KIAA1958: variants seen among roughly 807,000 people sequenced by gnomAD.
KIAA1958 encodes uncharacterized protein KIAA1958.
In KIAA1958, 14 loss-of-function variants were observed where a neutral mutation model predicts 47.2. The ratio of observed to expected loss-of-function variants is 0.30; its 90% CI spans 0.20 to 0.46. The LOEUF (loss-of-function observed/expected upper bound fraction) is 0.46. Among genes scored for constraint, KIAA1958 ranks in the 20% least tolerant of loss-of-function variants. The pLI is 1.00. For missense variants in KIAA1958, 803 were observed against 909.2 expected, an observed-to-expected ratio of 0.88 and a Z score of 1.50; for synonymous variants, 354 against 353.3, an observed-to-expected ratio of 1.00 and a Z score of -0.02.
intron 1 of KIAA1958, among the ~76,000 whole-genome samples, chr9:112,528,494 C>G (rs533229155): frequency 6.6e-6 from 1 of 152,190 alleles, no homozygotes; most frequent in South Asian, 2.1e-4. Flanking sequence ...CACCTTCCTC[C>G]CTCACAATTG....
intron 2 of KIAA1958, among the ~76,000 whole-genome samples, chr9:112,615,963 A>G (rs924533006): frequency 1.3e-5 from 2 of 152,222 alleles, no homozygotes; most frequent in Admixed American, 1.3e-4. Flanking sequence ...GTTGTCTGTG[A>G]CTGTTTATTT....
intron 3 of KIAA1958, among the ~76,000 whole-genome samples, chr9:112,646,231 T>C (rs749063996): frequency 6.6e-6 from 1 of 152,208 alleles, no homozygotes; most frequent in Non-Finnish European, 1.5e-5. Context: ...CTTGGTATCA[T>C]GGACAATAAA....
intron 1 of KIAA1958, among the ~76,000 whole-genome samples, chr9:112,524,982 C>G (rs909373209): frequency 7.9e-5 from 12 of 152,152 alleles, no homozygotes; most frequent in African/African-American, 2.9e-4. Flanking sequence ...GCAGAATAGG[C>G]TCAGTGAGAT....
chr9:112,589,117 C>T (rs1314206775), intron 2 of KIAA1958, among the ~76,000 whole-genome samples: 1 of 152,138 alleles, frequency 6.6e-6, no homozygotes, highest in Non-Finnish European at 1.5e-5. Context: ...ATGCTTGTTC[C>T]TTTTGCAAGG....
chr9:112,487,946 CGTGTGTGTGTGTGT>C (rs57108785), intron 1 of KIAA1958, among the ~76,000 whole-genome samples: 1 of 145,842 alleles, frequency 6.9e-6, no homozygotes, highest in South Asian at 2.2e-4. Flanking sequence ...AGTGTGTGTG[CGTGTGTGTGTGTGT>C]GTGTGTGTGT....
chr9:112,505,254 C>T (rs1247276913), intron 1 of KIAA1958, among the ~76,000 whole-genome samples: 1 of 152,148 alleles, frequency 6.6e-6, no homozygotes, highest in African/African-American at 2.4e-5. Context: ...TAGGCTAGCA[C>T]CCTGGTTAAG....
intron 2 of KIAA1958, among the ~76,000 whole-genome samples, chr9:112,638,325 G>T (rs553126373): frequency 1.2e-4 from 18 of 151,936 alleles, no homozygotes; most frequent in African/African-American, 3.4e-4. Context: ...GCAACATAGT[G>T]AGACCCCTGT....
intron 1 of KIAA1958, among the ~76,000 whole-genome samples, chr9:112,536,314 G>A (rs148593827): frequency 6.6e-6 from 1 of 152,308 alleles, no homozygotes; most frequent in African/African-American, 2.4e-5. Flanking sequence ...GCCAAGAACA[G>A]TGAAGGCAAT....
In KIAA1958 at chr9:112,618,083, C is replaced by T. The variant is rs1836437770; in HGVS notation, c.1172-27567C>T. 6.4e-7 allele frequency: 1 copy of T among 1,550,432 alleles called. No homozygotes were observed. The highest frequency in any genetic ancestry group is 8.7e-7 in the Non-Finnish European group (1 of 1,147,008). The stretch of plus-strand genomic sequence containing the variant: ...GCAGAAGGATGGGTCCGAATACGAA[C>T]CCAACAGCTTGGCCAATTACCAGTG... On this transcript the variant is annotated intron_variant, in intron 2 of 3. Transcript: ENST00000337530. The surrounding 1 kb of genome is among the most constrained non-coding windows in gnomAD (Gnocchi z 7.1).
intron 2 of KIAA1958, among the ~76,000 whole-genome samples, chr9:112,637,639 G>A (rs1057184537): frequency 2.0e-5 from 3 of 151,916 alleles, no homozygotes; most frequent in East Asian, 2.0e-4. Context: ...GCCTCCCAAA[G>A]TGCTGGGATT....
At chr9:112,581,889 C>A in intron 2 of KIAA1958, 1 of 231,382 alleles carries the variant, frequency 4.3e-6, no homozygotes, top group South Asian at 7.1e-5. Flanking sequence ...CGTCTGAGAT[C>A]AGACCAGACT....
chr9:112,507,758 T>TTCTC (rs773867864), intron 1 of KIAA1958, among the ~76,000 whole-genome samples: 73 of 152,196 alleles, frequency 4.8e-4, no homozygotes, highest in South Asian at 4.2e-4. Context: ...CTGTTTTTCT[T>TTCTC]TCTCTCTCTC....
At chr9:112,535,354 T>G (rs1359360518) in intron 1 of KIAA1958, among the ~76,000 whole-genome samples, 2 of 152,234 alleles carry the variant, frequency 1.3e-5, no homozygotes, top group African/African-American at 4.8e-5. Context: ...TTTTTGTGCC[T>G]GTCTTCTTTT....
chr9:112,622,353 G>T (rs550553563), intron 2 of KIAA1958, among the ~76,000 whole-genome samples: 2 of 152,332 alleles, frequency 1.3e-5, no homozygotes, highest in South Asian at 4.1e-4. Flanking sequence ...TCACATGACT[G>T]AAAGTTTTGC....
At chr9:112,534,862 T>C (rs1834824666) in intron 1 of KIAA1958, among the ~76,000 whole-genome samples, 1 of 152,214 alleles carries the variant, frequency 6.6e-6, no homozygotes, top group Non-Finnish European at 1.5e-5. Context: ...TCTTATTGAT[T>C]TATGAAAATT....
chr9:112,553,719 CT>C (rs1024397711), intron 1 of KIAA1958, among the ~76,000 whole-genome samples: 1 of 152,068 alleles, frequency 6.6e-6, no homozygotes, highest in African/African-American at 2.4e-5. Flanking sequence ...CAAATCTCTG[CT>C]TTATAAGATC....
intron 2 of KIAA1958, among the ~76,000 whole-genome samples, chr9:112,585,693 G>A (rs1468797223): frequency 3.3e-5 from 5 of 152,162 alleles, no homozygotes; most frequent in Non-Finnish European, 1.5e-5. Context: ...GGAGGAGACA[G>A]GCAGGTGTTT....
intron 1 of KIAA1958, among the ~76,000 whole-genome samples, chr9:112,540,699 A>T (rs1245293386): frequency 6.6e-6 from 1 of 150,970 alleles, no homozygotes; most frequent in East Asian, 1.9e-4. Context: ...GGCTGTTTGG[A>T]ATTTCTTTTT....
intron 2 of KIAA1958, among the ~76,000 whole-genome samples, chr9:112,603,443 C>T (rs772554955): frequency 5.9e-5 from 9 of 152,132 alleles, no homozygotes; most frequent in Non-Finnish European, 1.0e-4. Context: ...CGTGCAGCTT[C>T]GTCCTAAGAT....
Sources: allele counts gnomAD v4.1 joint callset (sites outside exome capture counted in the v4.1 genomes callset), GRCh38; gene constraint gnomAD v4.1.1; non-coding constraint Gnocchi (gnomAD v3.1); transcripts MANE v1.5; gene names NCBI Gene and HGNC (gene_info 2026-07-23, HGNC 2026-07-21).